The following PEPD variants were observed in gnomAD, a reference collection of about 807,000 sequenced individuals.
The protein encoded by PEPD is xaa-Pro dipeptidase.
A neutral mutation model predicts 60.7 loss-of-function variants in PEPD; 53 were observed. That is an observed-to-expected ratio of 0.87 (90% CI 0.70 to 1.10). PEPD has a LOEUF of 1.10. Among genes scored for constraint, PEPD ranks in the 50% least tolerant of loss-of-function variants. PEPD has a pLI of 0.00. For missense variants in PEPD, 711 were observed against 711.9 expected, an observed-to-expected ratio of 1.00 and a Z score of 0.01; for synonymous variants, 267 against 284.1, an observed-to-expected ratio of 0.94 and a Z score of 0.60.
chr19:33,460,593 C>T (rs1486500964), intron 9 of PEPD, among the ~76,000 whole-genome samples: 4 of 152,194 alleles, frequency 2.6e-5, no homozygotes, highest in Non-Finnish European at 4.4e-5. Context: ...CCCGTACCCA[C>T]CCCCCTGCTC....
intron 10 of PEPD, 114 bp from the exon 11 acceptor site, chr19:33,411,863 C>T (rs538142474): frequency 5.6e-4 from 407 of 729,732 alleles, no homozygotes; most frequent in Non-Finnish European, 8.5e-4. Context: ...ACCTCCAGCA[C>T]AGGCCCAGGC....
chr19:33,399,914 G>C lies in PEPD; in HGVS notation c.967+1807C>G, dbSNP rs147042494. 4.2e-3 allele frequency among the ~76,000 whole-genome samples: 646 copies of C among 152,260 alleles called. 2 individuals are homozygous for C. The highest frequency in any genetic ancestry group is 0.014 in the African/African-American group (576 of 41,550). ...CTCTGAAGTGGACTCTGCCTTGGGA[G>C]AGCAGGGGTCTATCCTTCGCCTGTT... On this transcript the variant is annotated intron_variant, in intron 12 of 14. Coordinates refer to ENST00000244137, the MANE Select transcript of PEPD (RefSeq NM_000285.4).
At chr19:33,434,029 C>T (rs1043078345) in intron 9 of PEPD, among the ~76,000 whole-genome samples, 16 of 152,172 alleles carry the variant, frequency 1.1e-4, no homozygotes, top group Admixed American at 8.5e-4. Flanking sequence ...CTAGAGGGTT[C>T]GCTCACCACC....
At chr19:33,457,622 T>C (rs758894532) in intron 9 of PEPD, among the ~76,000 whole-genome samples, 1 of 152,240 alleles carries the variant, frequency 6.6e-6, no homozygotes, top group Admixed American at 6.5e-5. Context: ...GTGATTCTCC[T>C]GCCTCAGCCT....
chr19:33,517,209 T>G (rs1971039090), intron 1 of PEPD, among the ~76,000 whole-genome samples: 1 of 151,514 alleles, frequency 6.6e-6, no homozygotes, highest in Non-Finnish European at 1.5e-5. Flanking sequence ...GATACCTGTA[T>G]TTCCATATAA....
chr19:33,508,388 C>T (rs1970853635), intron 3 of PEPD, among the ~76,000 whole-genome samples: 1 of 152,094 alleles, frequency 6.6e-6, no homozygotes, highest in Non-Finnish European at 1.5e-5. Flanking sequence ...CTGCAGAAAG[C>T]AGACCTAAAC....
intron 3 of PEPD, among the ~76,000 whole-genome samples, chr19:33,506,258 A>C (rs1167064943): frequency 7.2e-6 from 1 of 138,346 alleles, no homozygotes; most frequent in Non-Finnish European, 1.5e-5. Context: ...ACTCACACCC[A>C]CTACACCCCA....
chr19:33,462,804 A>G, intron 9 of PEPD, 191 bp downstream of exon 9: 1 of 643,366 alleles, frequency 1.6e-6, no homozygotes, highest in Non-Finnish European at 2.8e-6. Context: ...TACATCAAAC[A>G]CTCTGCCAAG....
Position 33,463,091 on chromosome 19 carries a change from C to A in PEPD, c.625-50G>T, listed in dbSNP as rs368661194. 40 of 1,109,864 alleles carry A rather than the reference C, an allele frequency of 3.6e-5. No homozygotes were observed. In the South Asian group the frequency reaches 4.7e-4, roughly 13 times the overall value. 68.8% of individuals were successfully genotyped at this position (1,109,864 alleles called of 1,614,324 possible). On this transcript the variant is annotated intron_variant, in intron 8 of 14. Coordinates refer to ENST00000244137, the MANE Select transcript of PEPD (RefSeq NM_000285.4). Reference sequence around the variant, plus strand: ...ACATTTGTATTAAGCAGATCAGTAACACAGCGTGATAAATAACATACAGCA... The same window carrying A: ...ACATTTGTATTAAGCAGATCAGTAAAACAGCGTGATAAATAACATACAGCA...
intron 9 of PEPD, among the ~76,000 whole-genome samples, chr19:33,444,518 C>T (rs535060643): frequency 6.6e-6 from 1 of 151,110 alleles, no homozygotes; most frequent in Non-Finnish European, 1.5e-5. Context: ...GTGGTGGGGA[C>T]TCAGGGCCCC....
intron 1 of PEPD, among the ~76,000 whole-genome samples, chr19:33,516,250 T>G (rs987496252): frequency 3.3e-5 from 5 of 152,126 alleles, no homozygotes; most frequent in African/African-American, 1.2e-4. Context: ...TTCCTGCAAA[T>G]TCGGCAAATG....
At chr19:33,515,643 A>G (rs1407632925) in intron 1 of PEPD, among the ~76,000 whole-genome samples, 1 of 149,964 alleles carries the variant, frequency 6.7e-6, no homozygotes, top group Non-Finnish European at 1.5e-5. Flanking sequence ...AGAATCCCCA[A>G]CAGCTTAGGG....
At chr19:33,439,935 C>A (rs1969452559) in intron 9 of PEPD, among the ~76,000 whole-genome samples, 1 of 152,178 alleles carries the variant, frequency 6.6e-6, no homozygotes, top group African/African-American at 2.4e-5. Flanking sequence ...CCAGGCTGGG[C>A]TCGAACCCCC....
chr19:33,400,533 C>T (rs1040861185), intron 12 of PEPD, among the ~76,000 whole-genome samples: 4 of 152,256 alleles, frequency 2.6e-5, no homozygotes, highest in Non-Finnish European at 4.4e-5. Context: ...AGCCCCTCTG[C>T]GCTGCAGGCT....
intron 7 of PEPD, among the ~76,000 whole-genome samples, chr19:33,468,684 C>T (rs1203383414): frequency 1.3e-5 from 2 of 152,216 alleles, no homozygotes; most frequent in African/African-American, 2.4e-5. Context: ...GGAAACGAGG[C>T]GGGCACCCTG....
chr19:33,436,829 C>T (rs559176385), intron 9 of PEPD, among the ~76,000 whole-genome samples: 6 of 152,256 alleles, frequency 3.9e-5, no homozygotes, highest in East Asian at 3.9e-4. Flanking sequence ...CCCCTGGGGC[C>T]GGTTCATTGG....
chr19:33,488,048 C>A (rs1970429947), intron 6 of PEPD, among the ~76,000 whole-genome samples: 1 of 152,094 alleles, frequency 6.6e-6, no homozygotes, highest in Admixed American at 6.5e-5. Flanking sequence ...GAACCACACC[C>A]ACCACACAGC....
intron 9 of PEPD, among the ~76,000 whole-genome samples, chr19:33,451,604 C>T (rs138656171): frequency 6.6e-6 from 1 of 152,314 alleles, no homozygotes; most frequent in Non-Finnish European, 1.5e-5. Context: ...ACTGTGAATT[C>T]AAACAGCTCT....
At chr19:33,469,958 C>A (rs1263891185) in intron 7 of PEPD, among the ~76,000 whole-genome samples, 1 of 152,034 alleles carries the variant, frequency 6.6e-6, no homozygotes, top group African/African-American at 2.4e-5. Context: ...CCCTCTGCAC[C>A]CACCTGTGGG....
Sources: gnomAD v4.1 joint callset for allele counts (sites outside exome capture counted in the v4.1 genomes callset) on GRCh38, gnomAD v4.1.1 for gene constraint, MANE v1.5 for transcripts, NCBI Gene and HGNC (gene_info 2026-07-23, HGNC 2026-07-21) for gene names.